Variants in B3GALT1 observed in about 807,000 individuals in gnomAD.
B3GALT1 encodes beta-1,3-galactosyltransferase 1, also known as UDP-Gal:betaGlcNAc beta 1,3-galactosyltransferase, polypeptide 1.
A neutral mutation model predicts 23.2 loss-of-function variants in B3GALT1; 10 were observed. The ratio of observed to expected loss-of-function variants is 0.43; its 90% CI spans 0.27 to 0.73. B3GALT1 has a LOEUF of 0.73. Among genes scored for constraint, B3GALT1 ranks in the 30% least tolerant of loss-of-function variants. B3GALT1 has a pLI of 0.21. For missense variants in B3GALT1, 299 were observed against 405.4 expected, an observed-to-expected ratio of 0.74 and a Z score of 2.25; for synonymous variants, 156 against 141.5, an observed-to-expected ratio of 1.10 and a Z score of -0.73.
rs552850851 is a variant in B3GALT1, at chr2:167,762,538, A to G, written c.-351-56134A>G. On this transcript the variant is annotated intron_variant, in intron 3 of 4. Coordinates refer to ENST00000392690, the MANE Select transcript of B3GALT1 (RefSeq NM_020981.4). ...CTTAAGATACCTTCCAAGAAGGTCA[A>G]AGAAATTGCTTTGTGAATACAAAGG... 2.6e-5 allele frequency among the ~76,000 whole-genome samples: 4 copies of G among 152,188 alleles called. No individual in the cohort carries two copies. In the South Asian group the frequency reaches 6.2e-4, roughly 24 times the overall value.
chr2:167,714,296 T>A, intron 3 of B3GALT1: 3 of 1,500,276 alleles, frequency 2.0e-6, no homozygotes, highest in Non-Finnish European at 2.8e-6. Flanking sequence ...GGACCCAGTG[T>A]CAGAAGGAGC....
Position 167,613,866 on chromosome 2 carries a change from G to A in B3GALT1, c.-409-33043G>A, listed in dbSNP as rs545298735. 5.3e-5 allele frequency among the ~76,000 whole-genome samples: 8 copies of A among 151,858 alleles called. No individual in the cohort carries two copies. In the East Asian group the frequency reaches 1.4e-3, roughly 26 times the overall value. On this transcript the variant is annotated intron_variant, in intron 2 of 4. Coordinates refer to ENST00000392690, the MANE Select transcript of B3GALT1 (RefSeq NM_020981.4). ...TGTTTTAAATGATTTAAAAAATCAA[G>A]CATCCACTTCCAATACATTTTTCAG...
rs540990130 is a variant in B3GALT1, at chr2:167,754,070, C to G, written c.-351-64602C>G. On this transcript the variant is annotated intron_variant, in intron 3 of 4. Coordinates refer to ENST00000392690, the MANE Select transcript of B3GALT1 (RefSeq NM_020981.4). The stretch of plus-strand genomic sequence containing the variant: ...TTACCGTATTGGCAATGTAAATATT[C>G]CCTTATTGATCTTCTATGAAAATCA... 1.1e-3 allele frequency among the ~76,000 whole-genome samples: 171 copies of G among 152,248 alleles called. 1 individual carries two copies. The highest frequency in any genetic ancestry group is 4.0e-3 in the African/African-American group (168 of 41,530).
chr2:167,764,960 G>A (rs1157570353), intron 3 of B3GALT1, among the ~76,000 whole-genome samples: 1 of 152,080 alleles, frequency 6.6e-6, no homozygotes, highest in African/African-American at 2.4e-5. Flanking sequence ...AGGTATTGCT[G>A]GCACTCCCTG....
At chr2:167,764,723 A>G (rs974898280) in intron 3 of B3GALT1, among the ~76,000 whole-genome samples, 1 of 152,124 alleles carries the variant, frequency 6.6e-6, no homozygotes, top group African/African-American at 2.4e-5. Context: ...AACAGTGCAA[A>G]TAATGAATGC....
At chr2:167,379,895 G>A (rs574382776) in intron 1 of B3GALT1, among the ~76,000 whole-genome samples, 23 of 152,350 alleles carry the variant, frequency 1.5e-4, no homozygotes, top group Admixed American at 4.6e-4. Context: ...AGGAGAATGG[G>A]AACTCCAGAT....
intron 2 of B3GALT1, among the ~76,000 whole-genome samples, chr2:167,528,492 T>C (rs902332201): frequency 2.6e-5 from 4 of 152,164 alleles, no homozygotes; most frequent in Non-Finnish European, 5.9e-5. Context: ...TGAGGGACCA[T>C]GTTCACTTCT....
chr2:167,769,362 A>G (rs919777492), intron 3 of B3GALT1, among the ~76,000 whole-genome samples: 1 of 152,174 alleles, frequency 6.6e-6, no homozygotes, highest in African/African-American at 2.4e-5. Context: ...GCTGAGTTAC[A>G]TCAATCTCAG....
chr2:167,605,106 C>G lies in B3GALT1; in HGVS notation c.-409-41803C>G, dbSNP rs78472584. Among the ~76,000 whole-genome samples, 268 of 152,304 alleles carry G rather than the reference C, an allele frequency of 1.8e-3. 2 individuals carry two copies. Among genetic ancestry groups the G allele is most frequent in the African/African-American group, 6.0e-3 (249 of 41,574 alleles). On this transcript the variant is annotated intron_variant, in intron 2 of 4. Coordinates refer to ENST00000392690, the MANE Select transcript of B3GALT1 (RefSeq NM_020981.4). ...AAGCGCCTACTTCCCTATCCCCATA[C>G]CCCAATGCTTTGGCACTGGATGGCA...
At chr2:167,495,326 CTTTTTTTTTTTTTT>C (rs954749958) in intron 2 of B3GALT1, among the ~76,000 whole-genome samples, 107 of 57,900 alleles carry the variant, frequency 1.8e-3, no homozygotes, top group Admixed American at 4.1e-3. Context: ...GCTTGCTTGC[CTTTTTTTTTTTTTT>C]TTTTTTTTTT....
chr2:167,624,643 A>G (rs1225032801), intron 2 of B3GALT1, among the ~76,000 whole-genome samples: 5 of 151,988 alleles, frequency 3.3e-5, no homozygotes, highest in African/African-American at 4.8e-5. Context: ...ATTTATATCC[A>G]CTATATTATA....
intron 2 of B3GALT1, among the ~76,000 whole-genome samples, chr2:167,514,006 A>G (rs1700066322): frequency 6.6e-6 from 1 of 152,154 alleles, no homozygotes; most frequent in Non-Finnish European, 1.5e-5. Context: ...TCCCGGGTTC[A>G]TGCCATTCCC....
chr2:167,697,751 T>C (rs1686810170), intron 3 of B3GALT1, among the ~76,000 whole-genome samples: 2 of 152,170 alleles, frequency 1.3e-5, no homozygotes, highest in Non-Finnish European at 2.9e-5. Context: ...ATGCCACACA[T>C]TTTTCCCATG....
rs191042512 is a variant in B3GALT1, at chr2:167,575,686, A to C, written c.-409-71223A>C. 2.9e-3 allele frequency among the ~76,000 whole-genome samples: 445 copies of C among 151,942 alleles called. 2 individuals carry two copies. Among genetic ancestry groups the C allele is most frequent in the African/African-American group, 0.01 (428 of 41,518 alleles). On this transcript the variant is annotated intron_variant, in intron 2 of 4. Coordinates refer to ENST00000392690, the MANE Select transcript of B3GALT1 (RefSeq NM_020981.4). ...GAAATGCATTTTTATAAAACTAACA[A>C]TGCCTATCTCCAAAGCACCTTTTAA...
chr2:167,659,808 C>T (rs1574195518), intron 3 of B3GALT1, among the ~76,000 whole-genome samples: 1 of 151,964 alleles, frequency 6.6e-6, no homozygotes, highest in Non-Finnish European at 1.5e-5. Context: ...TAGGGCATTT[C>T]AAAGAGAGAG....
At chr2:167,489,246 G>T (rs1292798435) in intron 1 of B3GALT1, among the ~76,000 whole-genome samples, 1 of 152,110 alleles carries the variant, frequency 6.6e-6, no homozygotes, top group African/African-American at 2.4e-5. Context: ...TACACCATTG[G>T]CGTCCTTTTT....
chr2:167,704,757 A>T (rs1686943999), intron 3 of B3GALT1, among the ~76,000 whole-genome samples: 1 of 152,212 alleles, frequency 6.6e-6, no homozygotes, highest in Admixed American at 6.5e-5. Context: ...CATTAAGATG[A>T]ATTATCCCAT....
chr2:167,642,259 G>C (rs562745575), intron 2 of B3GALT1, among the ~76,000 whole-genome samples: 4 of 152,224 alleles, frequency 2.6e-5, no homozygotes, highest in African/African-American at 9.6e-5. Flanking sequence ...TTCACCATCG[G>C]GGGGTCCAGT....
intron 3 of B3GALT1, chr2:167,714,328 A>G (rs1045019622): frequency 6.0e-6 from 9 of 1,495,352 alleles, no homozygotes; most frequent in African/African-American, 5.5e-5. Context: ...CAGTTGACCT[A>G]TCACAGCTTG....
Sources: allele counts gnomAD v4.1 joint callset (sites outside exome capture counted in the v4.1 genomes callset), GRCh38; gene constraint gnomAD v4.1.1; transcripts MANE v1.5; gene names NCBI Gene and HGNC (gene_info 2026-07-23, HGNC 2026-07-21).